Variants in MLH3 observed in about 807,000 individuals in gnomAD.
MLH3 encodes the protein mutL homolog 3.
In MLH3, 82 loss-of-function variants were observed where a neutral mutation model predicts 122.2. The ratio of observed to expected loss-of-function variants is 0.67; its 90% CI spans 0.56 to 0.81. The LOEUF (loss-of-function observed/expected upper bound fraction) is 0.81. Ranked by LOEUF, MLH3 falls within the 30% of genes least tolerant of loss-of-function variation. MLH3 has a pLI of 0.00. For synonymous variants in MLH3, 524 were observed against 599.5 expected, an observed-to-expected ratio of 0.87 and a Z score of 1.84; for missense variants, 1,539 against 1,714.5, an observed-to-expected ratio of 0.90 and a Z score of 1.81.
At chr14:75,031,592 C>T (rs1014924463) in intron 8 of MLH3, among the ~76,000 whole-genome samples, 43 of 152,252 alleles carry the variant, frequency 2.8e-4, no homozygotes, top group African/African-American at 9.9e-4. Context: ...GTGGGAGGAT[C>T]GCTTGAGCCT....
chr14:75,036,395 G>A (rs1318256377), intron 6 of MLH3, among the ~76,000 whole-genome samples: 2 of 151,190 alleles, frequency 1.3e-5, no homozygotes, highest in Non-Finnish European at 2.9e-5. Context: ...ACCCAGGCTG[G>A]AGTGCAGTGG....
chr14:75,040,166 T>C (rs970833582), intron 4 of MLH3, 151 bp from the exon 5 acceptor site: 9 of 547,392 alleles, frequency 1.6e-5, no homozygotes, highest in African/African-American at 3.8e-5. Context: ...TTCAAAAGAA[T>C]CGGCCGGGCG....
intron 11 of MLH3, among the ~76,000 whole-genome samples, chr14:75,022,393 T>A (rs1890341855): frequency 6.6e-6 from 1 of 152,222 alleles, no homozygotes; most frequent in African/African-American, 2.4e-5. Flanking sequence ...TGCTGTGACC[T>A]TCTAGGTTTC....
intron 7 of MLH3, 29 bp downstream of exon 7, chr14:75,033,390 A>C (rs766267594): frequency 1.2e-6 from 2 of 1,608,634 alleles, no homozygotes; most frequent in East Asian, 4.5e-5. Flanking sequence ...GGAGTCTCAA[A>C]TTTTTTCTGG....
intron 6 of MLH3, among the ~76,000 whole-genome samples, chr14:75,036,980 C>G (rs899474598): frequency 1.3e-5 from 2 of 151,840 alleles, no homozygotes; most frequent in Admixed American, 6.6e-5. Flanking sequence ...ACAACCAGAG[C>G]AATCTTTTTA....
intron 9 of MLH3, among the ~76,000 whole-genome samples, chr14:75,029,351 T>G (rs1252613599): frequency 6.6e-6 from 1 of 152,122 alleles, no homozygotes; most frequent in Non-Finnish European, 1.5e-5. Context: ...AAAGAAAATC[T>G]GCATTTAAGT....
intron 7 of MLH3, 115 bp from the exon 8 acceptor site, chr14:75,032,294 T>A: frequency 1.4e-6 from 1 of 736,266 alleles, no homozygotes; most frequent in South Asian, 1.5e-5. Context: ...ATGTTTAATG[T>A]TCAGTTTTAG....
At chr14:75,034,968 CAGA>C (rs1891294795) in intron 6 of MLH3, among the ~76,000 whole-genome samples, 1 of 136,668 alleles carries the variant, frequency 7.3e-6, no homozygotes, top group African/African-American at 2.8e-5. Context: ...GAGGCTGAGG[CAGA>C]AGAATTCCTT....
At chr14:75,035,062 C>CAAAAAAAAA (rs36096670) in intron 6 of MLH3, among the ~76,000 whole-genome samples, 1 of 40,238 alleles carries the variant, frequency 2.5e-5, no homozygotes, top group Non-Finnish European at 4.2e-5. Context: ...GACTCCATCT[C>CAAAAAAAAA]AAAAAAAAAA....
At chr14:75,030,787 G>A in intron 8 of MLH3, 85 bp from the exon 9 acceptor site, 1 of 1,202,482 alleles carries the variant, frequency 8.3e-7, no homozygotes, top group South Asian at 1.3e-5. Flanking sequence ...CTACTTAATA[G>A]TTTTTCAAAA....
At position 75,019,001 on chromosome 14, in the gene MLH3, A is replaced by T. The variant is rs774101672; in HGVS notation, c.4091-21T>A. On this transcript the variant is annotated intron_variant, in intron 11 of 12. Transcript: ENST00000355774. ...GGCCCCTAAATGAAAGACAGAAACA[A>T]GAAGGTTATAGTGTATATAGTGGGA... The T allele has an allele frequency of 4.3e-6, 7 of 1,612,466 alleles. No homozygotes were observed. Among genetic ancestry groups the T allele is most frequent in the Non-Finnish European group, 5.9e-6 (7 of 1,178,596 alleles).
chr14:75,026,890 G>A (rs1890660373), intron 9 of MLH3, among the ~76,000 whole-genome samples: 1 of 152,126 alleles, frequency 6.6e-6, no homozygotes, highest in African/African-American at 2.4e-5. Context: ...CCTGAGGTCA[G>A]GAGTTTGAGA....
intron 1 of MLH3, among the ~76,000 whole-genome samples, chr14:75,049,965 G>C (rs1892557319): frequency 6.6e-6 from 1 of 152,172 alleles, no homozygotes; most frequent in Non-Finnish European, 1.5e-5. Flanking sequence ...GTCCTAAAGT[G>C]AAATCATAAT....
Position 75,048,201 on chromosome 14 carries a change from C to T in MLH3, c.1455G>A (p.Glu485=), listed in dbSNP as rs571554175. 1 of 1,613,518 alleles carries T rather than the reference C, an allele frequency of 6.2e-7. No homozygotes were observed. ...GTTCCAGGAAAGATTTTTTATGTTT[C>T]TCATTTTCTCCAGCTTCTGATGCTA... ...TIVASEAGEN[E]KHKKSFLEHS... is the part of the protein sequence containing the mutation. The change falls in exon 2 of 13, where the codon GAG becomes GAA. Residue 485 remains glutamate, a synonymous_variant. Coordinates refer to ENST00000355774, the MANE Select transcript of MLH3 (RefSeq NM_001040108.2).
In MLH3 at chr14:75,046,415, C is replaced by G. The variant is rs778369841; in HGVS notation, c.3241G>C (p.Asp1081His). 6.2e-6 allele frequency: 10 copies of G among 1,614,154 alleles called. No individual in the cohort carries two copies. The East Asian group carries it at 1.8e-4, about 29-fold the overall frequency. The change falls in exon 2 of 13, where the codon GAC (aspartate) becomes CAC (histidine). Residue 1081 changes from aspartate to histidine, a missense_variant. Physicochemically the swap from Asp to His is moderately conservative, Grantham distance 81. Coordinates refer to ENST00000355774, the MANE Select transcript of MLH3 (RefSeq NM_001040108.2). The stretch of plus-strand genomic sequence containing the variant: ...ACATCCACAGCCACAGTTGTCAGGT[C>G]TTTAGTACAAGCAGCCTGAATGTCC... ...TEDIQAACTK[D>H]LTTVAVDVVL...
At chr14:75,032,649 T>G (rs1275795360) in intron 7 of MLH3, among the ~76,000 whole-genome samples, 1 of 151,854 alleles carries the variant, frequency 6.6e-6, no homozygotes, top group East Asian at 2.0e-4. Flanking sequence ...TCCCAACTCT[T>G]AGGCCGTCAT....
Position 75,033,459 on chromosome 14 carries a change from G to A in MLH3, c.3675C>T (p.His1225=), listed in dbSNP as rs147335651. Residue 1225 remains histidine (H), a synonymous_variant, in exon 7 of 13, where the codon CAC becomes CAT. Coordinates refer to ENST00000355774, the MANE Select transcript of MLH3 (RefSeq NM_001040108.2). ...GGNLLVLVDQ[H]AAHERIRLEQ... is the part of the protein sequence containing the mutation. ...CCAGACGTATACGCTCATGGGCAGC[G>A]TGCTGATCCACCAGCACGAGCAGGT... 30 of 1,613,934 alleles carry A rather than the reference G, an allele frequency of 1.9e-5. No individual in the cohort carries two copies. Among genetic ancestry groups the A allele is most frequent in the Middle Eastern group, 1.6e-4 (1 of 6,082 alleles).
chr14:75,048,427 G>C lies in MLH3; in HGVS notation c.1229C>G (p.Ala410Gly), dbSNP rs930453949. 1.9e-6 allele frequency: 3 copies of C among 1,609,434 alleles called. No individual in the cohort carries two copies. The highest frequency in any genetic ancestry group is 2.5e-6 in the Non-Finnish European group (3 of 1,178,736). ...SYEMFNLQSKAVKRKTTAENV... is the reference protein window; with the variant it reads ...SYEMFNLQSKGVKRKTTAENV... ...TTCTGCAGTAGTTTTTCTTTTCACAGCTTTTGACTGCAAATTAAACATCTC... is the reference window on the plus strand; with the variant it reads ...TTCTGCAGTAGTTTTTCTTTTCACACCTTTTGACTGCAAATTAAACATCTC... The change falls in exon 2 of 13, where the codon GCT becomes GGT. Residue 410 changes from alanine (A) to glycine (G), a missense_variant. By Grantham distance (60) the Ala-to-Gly change is moderately conservative. Coordinates refer to ENST00000355774, the MANE Select transcript of MLH3 (RefSeq NM_001040108.2).
intron 8 of MLH3, 105 bp from the exon 9 acceptor site, chr14:75,030,807 G>A (rs997565090): frequency 4.4e-6 from 4 of 916,370 alleles, no homozygotes; most frequent in African/African-American, 3.3e-5. Context: ...AGCTGCCACA[G>A]GGCTTAACAA....
Sources: gnomAD v4.1 joint callset for allele counts (sites outside exome capture counted in the v4.1 genomes callset) on GRCh38, gnomAD v4.1.1 for gene constraint, MANE v1.5 for transcripts, NCBI Gene and HGNC (gene_info 2026-07-23, HGNC 2026-07-21) for gene names.